Variants in OPCML observed in about 807,000 individuals in gnomAD.
OPCML encodes the protein opioid-binding protein/cell adhesion molecule.
OPCML carries 13 observed loss-of-function variants against 37.8 expected under a neutral mutation model. The ratio of observed to expected loss-of-function variants is 0.34; its 90% CI spans 0.22 to 0.55. The LOEUF is 0.55. Among genes scored for constraint, OPCML ranks in the 20% least tolerant of loss-of-function variants. The probability of loss-of-function intolerance (pLI) is 0.91; values close to 1 mark genes in which losing one functional copy is unlikely to be tolerated. For missense variants in OPCML, 341 were observed against 435.6 expected, an observed-to-expected ratio of 0.78 and a Z score of 1.93; for synonymous variants, 176 against 168.8, an observed-to-expected ratio of 1.04 and a Z score of -0.33.
intron 1 of OPCML, among the ~76,000 whole-genome samples, chr11:133,106,598 G>A (rs889913156): frequency 2.6e-5 from 4 of 152,194 alleles, no homozygotes; most frequent in African/African-American, 9.7e-5. Context: ...GATGGCAAAT[G>A]GGATGATGGT....
At chr11:133,521,664 C>T (rs1407775169) in intron 1 of OPCML, among the ~76,000 whole-genome samples, 7 of 152,250 alleles carry the variant, frequency 4.6e-5, no homozygotes, top group Non-Finnish European at 8.8e-5. Flanking sequence ...GCACTCTCTC[C>T]TCCATGGGAT....
At chr11:133,383,879 G>A (rs1451081734) in intron 1 of OPCML, among the ~76,000 whole-genome samples, 1 of 152,110 alleles carries the variant, frequency 6.6e-6, no homozygotes, top group Admixed American at 6.5e-5. Flanking sequence ...TGCAGTGCAT[G>A]CCCAGGGCCA....
At position 133,174,861 on chromosome 11, in the gene OPCML, G is replaced by A. The variant is rs771516582; in HGVS notation, c.62-231851C>T. Reference sequence around the variant, plus strand: ...AATAACCTGTAATCCCAGCACTTTGGGAGGCCAAGGCAGGAGGATCACTTG... The same window carrying A: ...AATAACCTGTAATCCCAGCACTTTGAGAGGCCAAGGCAGGAGGATCACTTG... On this transcript the variant is annotated intron_variant, in intron 1 of 7. Coordinates refer to ENST00000524381, the MANE Select transcript of OPCML (RefSeq NM_001012393.5). This position sits in a 1 kb window ranked among gnomAD's most constrained non-coding sequence, Gnocchi z 4.6. Among the ~76,000 whole-genome samples the A allele has an allele frequency of 3.3e-5, 5 of 152,156 alleles. No homozygotes were observed. The highest frequency in any genetic ancestry group is 6.5e-5 in the Admixed American group (1 of 15,284).
At chr11:132,616,108 C>T (rs1013751095) in intron 3 of OPCML, among the ~76,000 whole-genome samples, 1 of 152,172 alleles carries the variant, frequency 6.6e-6, no homozygotes, top group Non-Finnish European at 1.5e-5. Context: ...TACCTATGCT[C>T]AATAAAAACT....
chr11:133,334,274 A>C (rs946588837), intron 1 of OPCML, among the ~76,000 whole-genome samples: 5 of 152,270 alleles, frequency 3.3e-5, no homozygotes, highest in African/African-American at 1.2e-4. Context: ...CGGATAAAGA[A>C]AATGTGGTAC....
intron 1 of OPCML, among the ~76,000 whole-genome samples, chr11:133,290,247 GGGCA>G (rs1942439444): frequency 7.3e-6 from 1 of 137,740 alleles, no homozygotes; most frequent in Non-Finnish European, 1.6e-5. Context: ...CCAGAGGGTA[GGGCA>G]GCCAATGAGG....
At chr11:133,508,116 G>A (rs1948074441) in intron 1 of OPCML, among the ~76,000 whole-genome samples, 4 of 152,178 alleles carry the variant, frequency 2.6e-5, no homozygotes, top group African/African-American at 9.7e-5. Flanking sequence ...GGGCCTGAGT[G>A]TCGTGGTTGT....
At chr11:132,691,114 G>A (rs1943384104) in intron 2 of OPCML, among the ~76,000 whole-genome samples, 1 of 152,142 alleles carries the variant, frequency 6.6e-6, no homozygotes, top group Non-Finnish European at 1.5e-5. Context: ...TGCTAACATA[G>A]ACCCCACTTA....
intron 1 of OPCML, among the ~76,000 whole-genome samples, chr11:133,210,632 A>T (rs1939314696): frequency 6.6e-6 from 1 of 152,160 alleles, no homozygotes; most frequent in African/African-American, 2.4e-5. Context: ...CAAAGTTGAA[A>T]TGACCACAAA....
intron 4 of OPCML, among the ~76,000 whole-genome samples, chr11:132,459,987 A>C (rs2096095536): frequency 6.6e-6 from 1 of 152,288 alleles, no homozygotes; most frequent in Admixed American, 6.5e-5. Flanking sequence ...GTTGAGTTAT[A>C]TGTCAGTTGT....
chr11:133,095,682 A>G (rs1948990115), intron 1 of OPCML, among the ~76,000 whole-genome samples: 1 of 150,172 alleles, frequency 6.7e-6, no homozygotes, highest in African/African-American at 2.5e-5. Context: ...ATTTCAGAAA[A>G]TCAAAGATAA....
At chr11:132,440,120 C>A (rs1010789942) in intron 4 of OPCML, among the ~76,000 whole-genome samples, 2 of 152,074 alleles carry the variant, frequency 1.3e-5, no homozygotes, top group African/African-American at 4.8e-5. Flanking sequence ...GACATGGCAA[C>A]TTCTGGAATG....
intron 1 of OPCML, among the ~76,000 whole-genome samples, chr11:133,376,170 C>T (rs1166472928): frequency 6.7e-6 from 1 of 150,356 alleles, no homozygotes; most frequent in Non-Finnish European, 1.5e-5. Flanking sequence ...ATAAAGTTTA[C>T]ACAAGAGTAA....
At chr11:132,554,693 A>G (rs2096390222) in intron 3 of OPCML, among the ~76,000 whole-genome samples, 1 of 152,106 alleles carries the variant, frequency 6.6e-6, no homozygotes, top group Admixed American at 6.6e-5. Flanking sequence ...GCAATTCACT[A>G]GGCTTTCCAA....
intron 4 of OPCML, among the ~76,000 whole-genome samples, chr11:132,475,281 G>A (rs1412860682): frequency 6.6e-6 from 1 of 152,196 alleles, no homozygotes; most frequent in African/African-American, 2.4e-5. Context: ...GTCAGTGAGT[G>A]TACAGAAACA....
chr11:132,896,398 A>C (rs769095273), intron 2 of OPCML, among the ~76,000 whole-genome samples: 5 of 152,204 alleles, frequency 3.3e-5, no homozygotes, highest in Non-Finnish European at 7.3e-5. Context: ...TTCAGTTGGA[A>C]AACTTAAATG....
intron 2 of OPCML, among the ~76,000 whole-genome samples, chr11:132,907,308 C>A (rs1944276452): frequency 6.6e-6 from 1 of 152,136 alleles, no homozygotes; most frequent in Non-Finnish European, 1.5e-5. Flanking sequence ...TATGCTGTTA[C>A]CTTTTCCAGG....
Position 132,693,827 on chromosome 11 carries a change from G to A in OPCML, c.147-36508C>T, listed in dbSNP as rs139173532. 1.2e-4 allele frequency among the ~76,000 whole-genome samples: 19 copies of A among 152,230 alleles called. No individual in the cohort carries two copies. The East Asian group carries it at 3.3e-3, about 26-fold the overall frequency. Reference sequence around the variant, plus strand: ...AATTCCTTTCTCTTTTATTGGGCTAGAAATAATCAAGGGCCACCACGGAGA... The same window carrying A: ...AATTCCTTTCTCTTTTATTGGGCTAAAAATAATCAAGGGCCACCACGGAGA... On this transcript the variant is annotated intron_variant, in intron 2 of 7. Coordinates refer to ENST00000524381, the MANE Select transcript of OPCML (RefSeq NM_001012393.5).
intron 1 of OPCML, among the ~76,000 whole-genome samples, chr11:133,194,422 C>G (rs565852321): frequency 1.3e-5 from 2 of 152,090 alleles, no homozygotes; most frequent in African/African-American, 4.8e-5. Flanking sequence ...GTTGGTCTGA[C>G]TGGTCTCGAA....
Sources: allele counts gnomAD v4.1 joint callset (sites outside exome capture counted in the v4.1 genomes callset), GRCh38; gene constraint gnomAD v4.1.1; non-coding constraint Gnocchi (gnomAD v3.1); transcripts MANE v1.5; gene names NCBI Gene and HGNC (gene_info 2026-07-23, HGNC 2026-07-21).